Variants in EML5 observed in about 807,000 individuals in gnomAD.
EML5 encodes the protein echinoderm microtubule-associated protein-like 5.
EML5 carries 120 observed loss-of-function variants against 250.0 expected under a neutral mutation model. That is an observed-to-expected ratio of 0.48 (90% CI 0.41 to 0.56). The LOEUF (loss-of-function observed/expected upper bound fraction) is 0.56. EML5 is among the 20% of genes least tolerant of loss of function. EML5 has a pLI of 0.00. For missense variants in EML5, 2,006 were observed against 2,437.6 expected (o/e 0.82, Z 3.73); for synonymous variants, 771 against 806.5 (o/e 0.96, Z 0.75).
chr14:88,708,798 G>A (rs574889054), intron 10 of EML5, among the ~76,000 whole-genome samples: 1 of 152,110 alleles, frequency 6.6e-6, no homozygotes, highest in South Asian at 2.1e-4. Flanking sequence ...ATGCTCACAA[G>A]GTACCTTTTG....
intron 2 of EML5, among the ~76,000 whole-genome samples, chr14:88,749,629 AAACAG>A (rs2094061221): frequency 1.3e-5 from 2 of 152,178 alleles, no homozygotes; most frequent in African/African-American, 2.4e-5. Context: ...ATAGCACCAT[AAACAG>A]AAGAAAGGAA....
In EML5 at chr14:88,658,333, A is replaced by C; in HGVS notation, c.3731T>G (p.Val1244Gly). Residue 1244 changes from valine to glycine, a missense_variant, in exon 26 of 44, where the codon GTT (valine) becomes GGT (glycine). Val to Gly is a moderately radical substitution (Grantham distance 109, BLOSUM62 -3). Coordinates refer to ENST00000554922, the MANE Select transcript of EML5 (RefSeq NM_183387.3). Reference sequence around the variant, plus strand: ...CATGCTGTCATCATAAGTCCAGCGAACATTTGTGACATGTGTACTATGGGC... The same window carrying C: ...CATGCTGTCATCATAAGTCCAGCGACCATTTGTGACATGTGTACTATGGGC... Reference protein sequence around the residue: ...YVAHSTHVTNVRWTYDDSMLV... With the variant: ...YVAHSTHVTNGRWTYDDSMLV... 6.2e-7 allele frequency: 1 copy of C among 1,613,850 alleles called. No homozygotes were observed. Among genetic ancestry groups the C allele is most frequent in the Non-Finnish European group, 8.5e-7 (1 of 1,179,800 alleles).
At chr14:88,729,679 C>A (rs1278665023) in intron 7 of EML5, among the ~76,000 whole-genome samples, 1 of 151,892 alleles carries the variant, frequency 6.6e-6, no homozygotes, top group East Asian at 1.9e-4. Context: ...CGTGCCTCAC[C>A]CTCCTGAGTA....
intron 23 of EML5, 21 bp downstream of exon 23, chr14:88,664,472 T>C (rs1168855044): frequency 1.3e-6 from 2 of 1,572,380 alleles, no homozygotes. Context: ...TTATCAAGTA[T>C]TAAGTTATTT....
At chr14:88,731,885 T>A (rs1156442233) in intron 7 of EML5, among the ~76,000 whole-genome samples, 1 of 152,238 alleles carries the variant, frequency 6.6e-6, no homozygotes, top group Non-Finnish European at 1.5e-5. Context: ...AAGTGTCTGT[T>A]CATATCCTTT....
intron 28 of EML5, among the ~76,000 whole-genome samples, chr14:88,648,095 T>TC (rs2091443746): frequency 2.0e-5 from 3 of 152,152 alleles, no homozygotes; most frequent in South Asian, 4.1e-4. Context: ...AAGTTTTTTT[T>TC]CTCTCTTAAT....
chr14:88,740,317 G>A (rs747076038), intron 5 of EML5, 70 bp downstream of exon 5: 37 of 1,282,144 alleles, frequency 2.9e-5, no homozygotes, highest in Non-Finnish European at 3.5e-5. Flanking sequence ...ACTATATTAC[G>A]CAGTCTATCA....
At chr14:88,684,359 A>G (rs542173965) in intron 20 of EML5, among the ~76,000 whole-genome samples, 10 of 82,332 alleles carry the variant, frequency 1.2e-4, no homozygotes, top group Middle Eastern at 5.3e-3. Context: ...CTTAGTAGAG[A>G]CGGGGTTTCA....
chr14:88,733,216 C>T (rs1383211188), intron 7 of EML5, among the ~76,000 whole-genome samples: 2 of 152,212 alleles, frequency 1.3e-5, no homozygotes, highest in African/African-American at 2.4e-5. Flanking sequence ...GACTATCCTC[C>T]TTTGGCAAAT....
chr14:88,738,293 A>G (rs1323614749), intron 6 of EML5, among the ~76,000 whole-genome samples: 1 of 152,126 alleles, frequency 6.6e-6, no homozygotes, highest in African/African-American at 2.4e-5. Flanking sequence ...CAGTGAGGGT[A>G]AATTACCAGC....
chr14:88,618,632 A>G lies in EML5; in HGVS notation c.5538+18T>C, dbSNP rs757457689. On this transcript the variant is annotated intron_variant, in intron 40 of 43. Transcript: ENST00000554922. ...GCAGAAGAACTTGCCACCTGGGTATACAGTATTGGTACTGTACCTGGAGAT... is the reference window on the plus strand; with the variant it reads ...GCAGAAGAACTTGCCACCTGGGTATGCAGTATTGGTACTGTACCTGGAGAT... 26 of 1,597,836 alleles carry G rather than the reference A, an allele frequency of 1.6e-5. No individual in the cohort carries two copies. The highest frequency in any genetic ancestry group is 2.0e-5 in the Non-Finnish European group (24 of 1,173,580).
At chr14:88,663,967 C>T (rs961597420) in intron 23 of EML5, among the ~76,000 whole-genome samples, 6 of 151,938 alleles carry the variant, frequency 3.9e-5, no homozygotes, top group South Asian at 4.2e-4. Flanking sequence ...ATTATTTGAA[C>T]GATATTAGGT....
chr14:88,752,900 T>C (rs990266929), intron 2 of EML5, among the ~76,000 whole-genome samples: 1 of 152,042 alleles, frequency 6.6e-6, no homozygotes, highest in African/African-American at 2.4e-5. Context: ...TCCCACTCCA[T>C]CCCCTCTCCA....
At position 88,615,608 on chromosome 14, in the gene EML5, T is replaced by G; in HGVS notation, c.*210A>C. 1 of 491,624 alleles carries G rather than the reference T, an allele frequency of 2.0e-6. No individual in the cohort carries two copies. 30.5% of individuals were successfully genotyped at this position (491,624 alleles called of 1,614,324 possible). On this transcript the variant is annotated 3_prime_UTR_variant, in exon 44 of 44. Transcript: ENST00000554922. Reference sequence around the variant, plus strand: ...TATTCGATCCTTCCTTGAAATGGCATTATCTGGCAGTGTATGGATTACGGA... The same window carrying G: ...TATTCGATCCTTCCTTGAAATGGCAGTATCTGGCAGTGTATGGATTACGGA...
intron 14 of EML5, among the ~76,000 whole-genome samples, chr14:88,699,951 T>TATATATACACACACAC (rs769599425): frequency 2.0e-5 from 3 of 152,124 alleles, no homozygotes; most frequent in Non-Finnish European, 2.9e-5. Context: ...GAATTATATC[T>TATATATACACACACAC]ATATATACAC....
At chr14:88,670,223 A>G (rs1296019496) in intron 21 of EML5, among the ~76,000 whole-genome samples, 1 of 149,764 alleles carries the variant, frequency 6.7e-6, no homozygotes, top group Non-Finnish European at 1.5e-5. Flanking sequence ...TGGGAGGCTG[A>G]GGCAGAGAAT....
intron 8 of EML5, among the ~76,000 whole-genome samples, chr14:88,722,700 A>AAC (rs2093608891): frequency 6.6e-6 from 1 of 152,086 alleles, no homozygotes; most frequent in African/African-American, 2.4e-5. Flanking sequence ...CCATTACTGG[A>AAC]ACGCTAAGCT....
chr14:88,667,474 A>G (rs1473972875), intron 21 of EML5, among the ~76,000 whole-genome samples: 3 of 152,170 alleles, frequency 2.0e-5, no homozygotes, highest in Non-Finnish European at 4.4e-5. Context: ...GGGTAGAAAC[A>G]TAAGGTTAGT....
chr14:88,774,424 G>C (rs2094428487), intron 1 of EML5, among the ~76,000 whole-genome samples: 1 of 152,180 alleles, frequency 6.6e-6, no homozygotes. Flanking sequence ...AATCTTGAAA[G>C]AGGCTAGTTT....
Sources: gnomAD v4.1 joint callset for allele counts (sites outside exome capture counted in the v4.1 genomes callset) on GRCh38, gnomAD v4.1.1 for gene constraint, MANE v1.5 for transcripts, NCBI Gene and HGNC (gene_info 2026-07-23, HGNC 2026-07-21) for gene names.